A2ML1: variants seen among roughly 807,000 people sequenced by gnomAD.
A2ML1 encodes the protein alpha-2-macroglobulin-like protein 1.
A2ML1 carries 161 observed loss-of-function variants against 181.9 expected under a neutral mutation model. That is an observed-to-expected ratio of 0.89 (90% CI 0.78 to 1.01). A2ML1 has a LOEUF of 1.01. Ranked by LOEUF, A2ML1 falls within the 50% of genes least tolerant of loss-of-function variation. A2ML1 has a pLI of 0.00. For synonymous variants in A2ML1, 663 were observed against 666.8 expected (o/e 0.99, Z 0.09); for missense variants, 1,670 against 1,768.1 (o/e 0.94, Z 1.00).
chr12:8,868,310 T>A lies in A2ML1; in HGVS notation c.4014T>A (p.Cys1338Ter). Residue 1338 changes from cysteine (C) to a stop codon, truncating the protein, a stop_gained, in exon 31 of 36, where the codon TGT becomes TGA. Transcript: ENST00000299698. LOFTEE classifies it high-confidence loss of function. ...GTGTGGAAATAGGAAAAGCTAGATG[T>A]GAGCAACCGACTTCACCTCGATCCT... is the stretch of plus-strand genomic sequence containing the variant. ...SLSVEIGKARCEQPTSPRSLT... is the reference protein window; with the variant it reads ...SLSVEIGKAR 1 of 1,613,876 alleles carries A rather than the reference T, an allele frequency of 6.2e-7. No homozygotes were observed.
intron 6 of A2ML1, 114 bp from the exon 7 acceptor site, chr12:8,836,141 C>G: frequency 1.3e-6 from 1 of 768,700 alleles, no homozygotes; most frequent in Non-Finnish European, 2.2e-6. Flanking sequence ...TAAATAATGC[C>G]TCCTTCATTA....
rs902294728 is a variant in A2ML1 at position 8,884,110 on chromosome 12, T to G, written c.*95-2397T>G. ...CCTGTTTTTTGAATTCTAGCCATCT[T>G]AGTGTGTGTGAAGTGGTATCTCATT... On this transcript the variant is annotated intron_variant and NMD_transcript_variant, in intron 7 of 7. Coordinates refer to the A2ML1 transcript ENST00000537475. Among the ~76,000 whole-genome samples the G allele has an allele frequency of 2.0e-5, 3 of 152,120 alleles. No individual in the cohort carries two copies. The East Asian group carries it at 5.8e-4, about 29-fold the overall frequency.
chr12:8,838,538 T>G, intron 9 of A2ML1, 88 bp downstream of exon 9: 1 of 946,248 alleles, frequency 1.1e-6, no homozygotes, highest in Non-Finnish European at 1.6e-6. Flanking sequence ...ATACAAGACC[T>G]ACCCTCTTGA....
downstream of A2ML1, chr12:8,876,899 A>G (rs981520296): frequency 3.6e-4 from 55 of 152,362 alleles, no homozygotes; most frequent in African/African-American, 1.3e-3. Flanking sequence ...CTTTTAACCC[A>G]GACTTCTCAA....
intron 12 of A2ML1, chr12:8,844,866 G>A (rs59908019): frequency 0.15 from 80,831 of 535,668 alleles, 6,822 homozygotes; most frequent in Non-Finnish European, 0.17. Context: ...CTGGGCAGGC[G>A]TCCAAGGAAC....
Position 8,868,203 on chromosome 12 carries a change from A to G in A2ML1, c.3934-27A>G, listed in dbSNP as rs998601454. ...ATCTTTAAAGTTCTTTCCAAGTCTG[A>G]TTTGGCTACCTATTTCTTCCTACCA... On this transcript the variant is annotated intron_variant, in intron 30 of 35. Coordinates refer to ENST00000299698, the MANE Select transcript of A2ML1 (RefSeq NM_144670.6). 5 of 1,612,970 alleles carry G rather than the reference A, an allele frequency of 3.1e-6. No individual in the cohort carries two copies. The African/African-American group carries it at 6.7e-5, about 22-fold the overall frequency.
intron 5 of A2ML1, chr12:8,834,906 G>A: frequency 1.7e-6 from 1 of 578,230 alleles, no homozygotes; most frequent in Non-Finnish European, 3.1e-6. Context: ...ACCAGCCTCT[G>A]TAATGACTAC....
At position 8,869,199 on chromosome 12, in the gene A2ML1, A is replaced by G. The variant is rs1349502792; in HGVS notation, c.4217A>G (p.Asp1406Gly). 6.2e-7 allele frequency: 1 copy of G among 1,614,006 alleles called. No homozygotes were observed. Among genetic ancestry groups the G allele is most frequent in the Admixed American group, 1.7e-5 (1 of 59,988 alleles). Residue 1406 changes from aspartate (D) to glycine (G), a missense_variant, in exon 33 of 36, where the codon GAT becomes GGT. Coordinates refer to ENST00000299698, the MANE Select transcript of A2ML1 (RefSeq NM_144670.6). ...FGTDTLNIYL[D>G]ELIKNTQTYT... ...ACTGACACACTTAACATTTACTTGG[A>G]TGAGGTAGGTATTCAGGAACCAGAT...
chr12:8,839,703 C>T (rs1194952274), intron 10 of A2ML1, among the ~76,000 whole-genome samples: 1 of 152,124 alleles, frequency 6.6e-6, no homozygotes, highest in African/African-American at 2.4e-5. Flanking sequence ...TCCTTGACAG[C>T]CATGTATAGC....
chr12:8,845,975 C>T, intron 13 of A2ML1, 102 bp from the exon 14 acceptor site: 1 of 1,316,736 alleles, frequency 7.6e-7, no homozygotes, highest in Non-Finnish European at 1.1e-6. Flanking sequence ...TAACTTGCAC[C>T]ATGGTGCCTG....
Position 8,851,766 on chromosome 12 carries a change from G to T in A2ML1, c.2235-18G>T, listed in dbSNP as rs763070630. On this transcript the variant is annotated intron_variant, in intron 18 of 35. Coordinates refer to ENST00000299698, the MANE Select transcript of A2ML1 (RefSeq NM_144670.6). ...CCCACGCTACCTCTGCCTCATGTTG[G>T]TCCTTGTGTTTTCACAGTAACTCGG... 2 of 1,613,030 alleles carry T rather than the reference G, an allele frequency of 1.2e-6. No individual in the cohort carries two copies. The highest frequency in any genetic ancestry group is 1.7e-6 in the Non-Finnish European group (2 of 1,179,544).
At chr12:8,829,815 G>T (rs747367212) in intron 4 of A2ML1, 36 bp downstream of exon 4, 2 of 1,612,584 alleles carry the variant, frequency 1.2e-6, no homozygotes, top group African/African-American at 2.7e-5. Context: ...GGCGCAGGGA[G>T]AACAGGGAAA....
intron 11 of A2ML1, among the ~76,000 whole-genome samples, chr12:8,842,393 TA>T (rs1467618690): frequency 7.3e-6 from 1 of 136,984 alleles, no homozygotes; most frequent in Non-Finnish European, 1.6e-5. Flanking sequence ...TAATTTTTTG[TA>T]TTTTTTAGTA....
rs1401680636 is a variant in A2ML1 at position 8,851,863 on chromosome 12, C to T, written c.2314C>T (p.Gln772Ter). 6.2e-7 allele frequency: 1 copy of T among 1,614,204 alleles called. No homozygotes were observed. Among genetic ancestry groups the T allele is most frequent in the East Asian group, 2.2e-5 (1 of 44,892 alleles). ...GAAGGCGATGAGTTTCTGCACTTCC[C>T]AGTCAAGAGGCTTCGGGCTTTCACC... ...EWKAMSFCTSQSRGFGLSPTV... is the reference protein window; with the variant it reads ...EWKAMSFCTS Residue 772 changes from glutamine to a stop codon, truncating the protein, a stop_gained, in exon 19 of 36, where the codon CAG becomes TAG. Coordinates refer to ENST00000299698, the MANE Select transcript of A2ML1 (RefSeq NM_144670.6). LOFTEE classifies it high-confidence loss of function.
Position 8,837,491 on chromosome 12 carries a change from G to A in A2ML1, c.780G>A (p.Gln260=), listed in dbSNP as rs766741141. 4 of 1,614,166 alleles carry A rather than the reference G, an allele frequency of 2.5e-6. No individual in the cohort carries two copies. The highest frequency in any genetic ancestry group is 2.5e-6 in the Non-Finnish European group (3 of 1,179,994). The change falls in exon 8 of 36, where the codon CAG becomes CAA. Residue 260 remains glutamine, a synonymous_variant. Coordinates refer to ENST00000299698, the MANE Select transcript of A2ML1 (RefSeq NM_144670.6). ...GGGCAGTGCAGGTATCTGTGTGTCAGAAGGCAAATACTTACTGGTATCGAG... is the reference window on the plus strand; with the variant it reads ...GGGCAGTGCAGGTATCTGTGTGTCAAAAGGCAAATACTTACTGGTATCGAG... ...MLGAVQVSVC[Q]KANTYWYREV...
chr12:8,822,852 C>T (rs1942788013), intron 1 of A2ML1, 139 bp downstream of exon 1: 2 of 781,968 alleles, frequency 2.6e-6, no homozygotes, highest in Non-Finnish European at 4.2e-6. Flanking sequence ...TTTGGTTCCA[C>T]TGATCCTTTA....
chr12:8,826,576 T>C (rs894063502), intron 3 of A2ML1, among the ~76,000 whole-genome samples: 7 of 152,202 alleles, frequency 4.6e-5, no homozygotes, highest in Non-Finnish European at 7.4e-5. Context: ...GCATCCCAAG[T>C]AGCTGGGAGT....
In A2ML1 at chr12:8,836,253, A is replaced by C. The variant is rs202208600; in HGVS notation, c.644-2A>C. The C allele has an allele frequency of 6.2e-7, 1 of 1,613,400 alleles. No homozygotes were observed. Among genetic ancestry groups the C allele is most frequent in the Non-Finnish European group, 8.5e-7 (1 of 1,179,490 alleles). On this transcript the variant is annotated splice_acceptor_variant, in intron 6 of 35. Transcript: ENST00000299698. LOFTEE classifies it high-confidence loss of function. ...CTCCATTTCTCCTTTTACTCTCTTC[A>C]GTGCTGCCGAAGTTTAAGGTGGAAG... is the stretch of plus-strand genomic sequence containing the variant.
intron 13 of A2ML1, among the ~76,000 whole-genome samples, 188 bp from the exon 14 acceptor site, chr12:8,845,889 T>TAAAAA (rs1182169642): frequency 4.9e-5 from 5 of 102,010 alleles, no homozygotes; most frequent in African/African-American, 2.0e-4. Context: ...TAAAATAAAA[T>TAAAAA]AAAAAAATTC....
Sources: gnomAD v4.1 joint callset for allele counts (sites outside exome capture counted in the v4.1 genomes callset) on GRCh38, gnomAD v4.1.1 for gene constraint, MANE v1.5 for transcripts, NCBI Gene and HGNC (gene_info 2026-07-23, HGNC 2026-07-21) for gene names.